GRID1: variants seen among roughly 807,000 people sequenced by gnomAD.
GRID1 encodes the protein glutamate receptor ionotropic, delta-1.
Under a neutral mutation model 98.0 loss-of-function variants are expected in GRID1, and 28 were observed. The observed-to-expected ratio is 0.29, with a 90% CI of 0.21 to 0.39. GRID1 has a LOEUF of 0.39. GRID1 is among the 10% of genes least tolerant of loss of function. The probability of loss-of-function intolerance (pLI) is 1.00; values close to 1 mark genes in which losing one functional copy is unlikely to be tolerated. For missense variants in GRID1, 1,111 were observed against 1,340.5 expected (o/e 0.83, Z 2.67); for synonymous variants, 553 against 538.5 (o/e 1.03, Z -0.37).
At chr10:86,211,415 C>T (rs190752276) in intron 2 of GRID1, among the ~76,000 whole-genome samples, 1 of 152,214 alleles carries the variant, frequency 6.6e-6, no homozygotes, top group African/African-American at 2.4e-5. Flanking sequence ...TCCAGCCCCC[C>T]CACCTGCACC....
At chr10:85,838,524 G>C (rs1457191194) in intron 8 of GRID1, among the ~76,000 whole-genome samples, 1 of 152,138 alleles carries the variant, frequency 6.6e-6, no homozygotes, top group Non-Finnish European at 1.5e-5. Flanking sequence ...CTTAAAGAAA[G>C]AAATTCCAAC....
chr10:86,352,768 C>T lies in GRID1; in HGVS notation c.235+11173G>A, dbSNP rs77215100. On this transcript the variant is annotated intron_variant, in intron 2 of 15. Transcript: ENST00000327946. ...CCAGTCTGGCCTTGGTTTTGCATGG[C>T]CCCCTCAGCTCTGGACACAAGAACT... Among the ~76,000 whole-genome samples, 7 of 152,294 alleles carry T rather than the reference C, an allele frequency of 4.6e-5. No homozygotes were observed. The East Asian group carries it at 1.4e-3, about 29-fold the overall frequency.
At chr10:86,000,023 A>G (rs1842785764) in intron 4 of GRID1, among the ~76,000 whole-genome samples, 1 of 152,260 alleles carries the variant, frequency 6.6e-6, no homozygotes, top group South Asian at 2.1e-4. Context: ...TTGCAAAGAA[A>G]GAAGTAAAAC....
intron 12 of GRID1, among the ~76,000 whole-genome samples, chr10:85,687,317 C>G (rs1027726264): frequency 6.6e-6 from 1 of 152,166 alleles, no homozygotes; most frequent in African/African-American, 2.4e-5. Flanking sequence ...GATTACCTCT[C>G]TCTATCCATC....
intron 4 of GRID1, among the ~76,000 whole-genome samples, chr10:86,055,976 G>T (rs1388975368): frequency 6.6e-6 from 1 of 152,188 alleles, no homozygotes; most frequent in African/African-American, 2.4e-5. Flanking sequence ...TGTTGTTTAA[G>T]CCACCCAGGC....
intron 12 of GRID1, among the ~76,000 whole-genome samples, chr10:85,664,384 A>G (rs1840997196): frequency 6.6e-6 from 1 of 152,174 alleles, no homozygotes; most frequent in Non-Finnish European, 1.5e-5. Flanking sequence ...ATTTCTGCCT[A>G]GCAGTGCCTA....
At chr10:86,267,593 C>CG (rs1564724107) in intron 2 of GRID1, among the ~76,000 whole-genome samples, 1 of 152,216 alleles carries the variant, frequency 6.6e-6, no homozygotes, top group African/African-American at 2.4e-5. Flanking sequence ...CATGCAGGGA[C>CG]GGGGCCCTTG....
chr10:86,285,911 T>C lies in GRID1; in HGVS notation c.235+78030A>G, dbSNP rs144655071. On this transcript the variant is annotated intron_variant, in intron 2 of 15. Coordinates refer to ENST00000327946, the MANE Select transcript of GRID1 (RefSeq NM_017551.3). ...ACCGTATTTGAGAACCTGCTGTACATTGTTTTGCTTAAAGTTTCCAATAAC... is the reference window on the plus strand; with the variant it reads ...ACCGTATTTGAGAACCTGCTGTACACTGTTTTGCTTAAAGTTTCCAATAAC... 1.2e-4 allele frequency among the ~76,000 whole-genome samples: 19 copies of C among 152,364 alleles called. No individual in the cohort carries two copies. In the East Asian group the frequency reaches 2.7e-3, roughly 22 times the overall value.
At position 86,192,534 on chromosome 10, in the gene GRID1, AG is replaced by A. The variant is rs58334472; in HGVS notation, c.520+13829del. Among the ~76,000 whole-genome samples the A allele has an allele frequency of 0.064, 9,468 of 149,040 alleles. 382 individuals are homozygous for A. Among genetic ancestry groups the A allele is most frequent in the South Asian group, 0.082 (391 of 4,756 alleles). On this transcript the variant is annotated intron_variant, in intron 3 of 15. Coordinates refer to ENST00000327946, the MANE Select transcript of GRID1 (RefSeq NM_017551.3). The surrounding 1 kb of genome is among the most constrained non-coding windows in gnomAD (Gnocchi z 4.8). ...ACAGTGGGTGCTGAGGGCTGAAGGG[AG>A]GGGGGAGATGGGGGTCTTTGTTGAA...
Position 85,829,304 on chromosome 10 carries a change from CA to C in GRID1, c.1233+25191del, listed in dbSNP as rs200194796. ...AACTAGGCATTAAAATAACATACCT[CA>C]AAAAAAAAAGTCATATATAACAAAC... On this transcript the variant is annotated intron_variant, in intron 8 of 15. Coordinates refer to ENST00000327946, the MANE Select transcript of GRID1 (RefSeq NM_017551.3). Among the ~76,000 whole-genome samples, 674 of 148,148 alleles carry C rather than the reference CA, an allele frequency of 4.5e-3. 4 individuals are homozygous for C. The highest frequency in any genetic ancestry group is 6.2e-3 in the Non-Finnish European group (413 of 66,764).
At chr10:85,647,096 CAG>C (rs1439551267) in intron 13 of GRID1, 104 bp downstream of exon 13, 1 of 844,170 alleles carries the variant, frequency 1.2e-6, no homozygotes, top group Non-Finnish European at 2.0e-6. Context: ...TTGCAGGTAA[CAG>C]GGCTGCTCAG....
intron 4 of GRID1, among the ~76,000 whole-genome samples, chr10:85,985,000 T>C (rs1482767656): frequency 6.6e-6 from 1 of 152,162 alleles, no homozygotes; most frequent in Non-Finnish European, 1.5e-5. Context: ...AATACCTTGT[T>C]GTGGAGGGTT....
intron 4 of GRID1, among the ~76,000 whole-genome samples, chr10:86,082,199 T>C (rs1843987071): frequency 1.3e-5 from 2 of 152,144 alleles, no homozygotes; most frequent in South Asian, 2.1e-4. Flanking sequence ...GGAAAAATAA[T>C]AGCAAGACGT....
At chr10:86,067,601 T>C (rs562718266) in intron 4 of GRID1, among the ~76,000 whole-genome samples, 30 of 152,272 alleles carry the variant, frequency 2.0e-4, no homozygotes, top group Middle Eastern at 3.4e-3. Flanking sequence ...GCACTGCGGT[T>C]CCCCACCCAG....
chr10:85,684,998 G>A (rs1841252815), intron 12 of GRID1, among the ~76,000 whole-genome samples: 1 of 152,182 alleles, frequency 6.6e-6, no homozygotes, highest in Admixed American at 6.6e-5. Flanking sequence ...CACACTAGGG[G>A]TTAGGGCTTC....
chr10:86,051,692 CT>C (rs1370813376), intron 4 of GRID1, among the ~76,000 whole-genome samples: 22 of 152,306 alleles, frequency 1.4e-4, no homozygotes, highest in African/African-American at 5.1e-4. Flanking sequence ...TGATAAGATG[CT>C]TAATCTTGTT....
intron 4 of GRID1, among the ~76,000 whole-genome samples, chr10:86,066,935 G>A (rs569508642): frequency 8.5e-5 from 13 of 152,212 alleles, no homozygotes; most frequent in Admixed American, 2.6e-4. Context: ...GGGGCTTTCC[G>A]CGGGCCACTG....
chr10:85,679,737 G>A (rs1797573163), intron 12 of GRID1, among the ~76,000 whole-genome samples: 1 of 152,206 alleles, frequency 6.6e-6, no homozygotes, highest in Admixed American at 6.5e-5. Context: ...TAGCTGAGAA[G>A]AAGCAACAAG....
intron 8 of GRID1, among the ~76,000 whole-genome samples, chr10:85,822,307 C>G (rs1181356839): frequency 2.6e-5 from 4 of 152,160 alleles, no homozygotes; most frequent in Admixed American, 6.5e-5. Context: ...GGGCTACTAT[C>G]CAGAATCTAC....
Sources: allele counts gnomAD v4.1 joint callset (sites outside exome capture counted in the v4.1 genomes callset), GRCh38; gene constraint gnomAD v4.1.1; non-coding constraint Gnocchi (gnomAD v3.1); transcripts MANE v1.5; gene names NCBI Gene and HGNC (gene_info 2026-07-23, HGNC 2026-07-21).